Variants in RAB3C observed in about 807,000 individuals in gnomAD.
RAB3C encodes the protein RAB3C, member RAS oncogene family, also known as ras-related protein Rab-3C.
RAB3C carries 17 observed loss-of-function variants against 26.4 expected under a neutral mutation model. The ratio of observed to expected loss-of-function variants is 0.64; its 90% confidence interval spans 0.44 to 0.97. The LOEUF (loss-of-function observed/expected upper bound fraction) is 0.97. RAB3C is among the 50% of genes least tolerant of loss of function. RAB3C has a pLI of 0.00. For synonymous variants in RAB3C, 91 were observed against 95.9 expected, an observed-to-expected ratio of 0.95 and a Z score of 0.30; for missense variants, 242 against 281.9, an observed-to-expected ratio of 0.86 and a Z score of 1.01.
In RAB3C at chr5:58,779,555, T is replaced by A. The variant is rs1415085041; in HGVS notation, c.372-45483T>A. 3.3e-5 allele frequency among the ~76,000 whole-genome samples: 5 copies of A among 151,848 alleles called. No homozygotes were observed. The East Asian group carries it at 9.7e-4, about 29-fold the overall frequency. The stretch of plus-strand genomic sequence containing the variant: ...ACTCACCACAACACTCAGCTTATTT[T>A]TTAAAATTTCGTTGTAGAGATGGGG... On this transcript the variant is annotated intron_variant, in intron 3 of 4. Coordinates refer to ENST00000282878, the MANE Select transcript of RAB3C (RefSeq NM_138453.4).
chr5:58,635,151 A>G (rs1009188462), intron 2 of RAB3C, among the ~76,000 whole-genome samples: 2 of 152,240 alleles, frequency 1.3e-5, no homozygotes, highest in Admixed American at 6.5e-5. Flanking sequence ...TCACGTGTCC[A>G]GAGTCACAAC....
intron 2 of RAB3C, among the ~76,000 whole-genome samples, chr5:58,644,934 C>A (rs558832844): frequency 2.0e-5 from 3 of 152,034 alleles, no homozygotes; most frequent in Non-Finnish European, 4.4e-5. Flanking sequence ...TTACAGAGAA[C>A]AAATGAAATT....
intron 3 of RAB3C, among the ~76,000 whole-genome samples, chr5:58,749,862 C>T (rs184748146): frequency 2.9e-3 from 439 of 152,224 alleles, no homozygotes; most frequent in Non-Finnish European, 5.0e-3. Context: ...ATCTAAATCA[C>T]ATCCTAATTT....
chr5:58,683,004 G>A (rs949276257), intron 2 of RAB3C, among the ~76,000 whole-genome samples: 2 of 152,150 alleles, frequency 1.3e-5, no homozygotes, highest in Non-Finnish European at 1.5e-5. Context: ...TGCCTGAAGT[G>A]TATATTTTTT....
intron 3 of RAB3C, among the ~76,000 whole-genome samples, chr5:58,781,713 AG>A (rs1296398611): frequency 1.3e-5 from 2 of 151,966 alleles, no homozygotes; most frequent in Non-Finnish European, 2.9e-5. Context: ...TAGCATGTAG[AG>A]CTCCCTATAA....
At chr5:58,792,416 T>C (rs1489851764) in intron 3 of RAB3C, among the ~76,000 whole-genome samples, 1 of 151,942 alleles carries the variant, frequency 6.6e-6, no homozygotes, top group East Asian at 1.9e-4. Context: ...AAACCAACCA[T>C]CTGAAGAAGG....
chr5:58,637,073 A>G (rs367661936), intron 2 of RAB3C, among the ~76,000 whole-genome samples: 2 of 147,482 alleles, frequency 1.4e-5, no homozygotes, highest in African/African-American at 5.0e-5. Context: ...AGAGAGCATT[A>G]TCATTTTTTT....
chr5:58,761,214 AT>A (rs1417143893), intron 3 of RAB3C, among the ~76,000 whole-genome samples: 2 of 152,062 alleles, frequency 1.3e-5, no homozygotes, highest in Admixed American at 1.3e-4. Context: ...TATTGATTGA[AT>A]TTTTTTACAA....
At chr5:58,676,205 T>TA (rs1748221986) in intron 2 of RAB3C, among the ~76,000 whole-genome samples, 1 of 152,056 alleles carries the variant, frequency 6.6e-6, no homozygotes, top group African/African-American at 2.4e-5. Flanking sequence ...CTCTAAACTC[T>TA]AAAGAACCTA....
chr5:58,679,516 C>T (rs1192584231), intron 2 of RAB3C, among the ~76,000 whole-genome samples: 1 of 152,122 alleles, frequency 6.6e-6, no homozygotes, highest in Non-Finnish European at 1.5e-5. Flanking sequence ...CATGGTAATT[C>T]TGTAGATCAA....
chr5:58,700,032 C>T (rs1319550872), intron 2 of RAB3C, among the ~76,000 whole-genome samples: 3 of 152,160 alleles, frequency 2.0e-5, no homozygotes, highest in Non-Finnish European at 4.4e-5. Flanking sequence ...GCAGAAATCA[C>T]CCATCTTCTC....
At chr5:58,837,772 T>C (rs1366331300) in intron 4 of RAB3C, among the ~76,000 whole-genome samples, 1 of 150,434 alleles carries the variant, frequency 6.6e-6, no homozygotes, top group Non-Finnish European at 1.5e-5. Flanking sequence ...CTGGCCAGGC[T>C]GATCTCGAAC....
intron 3 of RAB3C, among the ~76,000 whole-genome samples, chr5:58,754,356 TG>T (rs34410429): frequency 0.32 from 49,337 of 152,016 alleles, 9,168 homozygotes; most frequent in East Asian, 0.57. Context: ...CTCCTTACTT[TG>T]GGGGCTGAGT....
intron 1 of RAB3C, among the ~76,000 whole-genome samples, chr5:58,601,887 A>G (rs763560199): frequency 6.6e-6 from 1 of 150,992 alleles, no homozygotes; most frequent in Non-Finnish European, 1.5e-5. Flanking sequence ...TTCCTTCCTT[A>G]TGCTGCTTTT....
Position 58,858,717 on chromosome 5 carries a change from C to T in RAB3C, c.*7366C>T, listed in dbSNP as rs1744318379. ...GCTATCAGCTATAGATCATTGTTTT[C>T]TTAAGACAGCCAAACTGGCCCTTTG... On this transcript the variant is annotated 3_prime_UTR_variant, in exon 5 of 5. Coordinates refer to ENST00000282878, the MANE Select transcript of RAB3C (RefSeq NM_138453.4). 1 of 152,178 alleles carries T rather than the reference C, an allele frequency of 6.6e-6. No individual in the cohort carries two copies. Among genetic ancestry groups the T allele is most frequent in the African/African-American group, 2.4e-5 (1 of 41,456 alleles). The allele number at this position is 152,178 out of a possible 1,614,324, so 9.4% of individuals were successfully genotyped here. A position where few individuals can be genotyped will look rare whatever the true frequency, so the allele number is the denominator to read the frequency against.
At chr5:58,752,411 G>A (rs1261203384) in intron 3 of RAB3C, among the ~76,000 whole-genome samples, 3 of 151,754 alleles carry the variant, frequency 2.0e-5, no homozygotes. Context: ...CAAATTCTAG[G>A]ATTGCTTTGG....
chr5:58,725,000 G>A (rs894871678), intron 2 of RAB3C, among the ~76,000 whole-genome samples: 3 of 151,740 alleles, frequency 2.0e-5, no homozygotes, highest in African/African-American at 4.8e-5. Flanking sequence ...CAGTATTGTC[G>A]GTTTGTCTAT....
At chr5:58,613,904 G>A (rs1223780928) in intron 1 of RAB3C, among the ~76,000 whole-genome samples, 1 of 151,966 alleles carries the variant, frequency 6.6e-6, no homozygotes, top group African/African-American at 2.4e-5. Flanking sequence ...GGAGCCCGAG[G>A]GGTTCCTTCA....
chr5:58,714,740 A>G (rs1749133091), intron 2 of RAB3C, among the ~76,000 whole-genome samples: 1 of 152,038 alleles, frequency 6.6e-6, no homozygotes, highest in East Asian at 1.9e-4. Context: ...CATTTTCATA[A>G]TCACTTTATT....
Sources: allele counts gnomAD v4.1 joint callset (sites outside exome capture counted in the v4.1 genomes callset), GRCh38; gene constraint gnomAD v4.1.1; transcripts MANE v1.5; gene names NCBI Gene and HGNC (gene_info 2026-07-23, HGNC 2026-07-21).